GRIP2: variants seen among roughly 807,000 people sequenced by gnomAD.
GRIP2 encodes glutamate receptor-interacting protein 2.
A neutral mutation model predicts 108.3 loss-of-function variants in GRIP2; 58 were observed. That is an observed-to-expected ratio of 0.54 (90% confidence interval 0.43 to 0.67). GRIP2 has a LOEUF of 0.67. Ranked by LOEUF, GRIP2 falls within the 30% of genes least tolerant of loss-of-function variation. The pLI is 0.00. For synonymous variants in GRIP2, 586 were observed against 598.2 expected (o/e 0.98, Z 0.30); for missense variants, 1,278 against 1,430.6 (o/e 0.89, Z 1.72).
At chr3:14,520,004 T>A (rs1035949148) in intron 9 of GRIP2, 106 bp downstream of exon 9, 46 of 1,083,250 alleles carry the variant, frequency 4.2e-5, no homozygotes, top group Non-Finnish European at 5.5e-5. Context: ...TTTGTCCTAG[T>A]ACATTTTAGC....
intron 1 of GRIP2, chr3:14,531,040 C>CT (rs1290288451): frequency 1.3e-5 from 2 of 152,204 alleles, no homozygotes; most frequent in African/African-American, 4.8e-5. Context: ...CCATGCTAAT[C>CT]TTCTCTGTAT....
chr3:14,597,353 A>G, the GRIP2 span, among the ~76,000 whole-genome samples: 63 of 152,322 alleles, frequency 4.1e-4, no homozygotes, highest in Admixed American at 8.5e-4. Context: ...TTAGGATGGC[A>G]GGGAAGAGGC....
Position 14,521,827 on chromosome 3 carries a change from G to A in GRIP2, c.567-40C>T, listed in dbSNP as rs1694419080. ...CAGTCACCAGCCTGGCCCGGCAGCA[G>A]CACTGGGCACAGCCTGTCTGGGAGG... On this transcript the variant is annotated intron_variant, in intron 6 of 23. Transcript: ENST00000621039. This position sits in a 1 kb window ranked among gnomAD's most constrained non-coding sequence, Gnocchi z 5.1. 6.5e-7 allele frequency: 1 copy of A among 1,529,366 alleles called. No homozygotes were observed. The highest frequency in any genetic ancestry group is 8.8e-7 in the Non-Finnish European group (1 of 1,137,488). The allele number at this position is 1,529,366 out of a possible 1,614,324, so 94.7% of individuals were successfully genotyped here.
chr3:14,525,416 C>T lies in GRIP2; in HGVS notation c.257+21G>A, dbSNP rs377719438. ...TGCCTCTGCACCCCCCTCCTGCGGC[C>T]GTGCCAAGCCCACTTCTCACCTGGC... is the stretch of plus-strand genomic sequence containing the variant. On this transcript the variant is annotated intron_variant, in intron 3 of 23. Coordinates refer to ENST00000621039, the MANE Select transcript of GRIP2 (RefSeq NM_001080423.4). 29 of 1,609,264 alleles carry T rather than the reference C, an allele frequency of 1.8e-5. No homozygotes were observed. The African/African-American group carries it at 2.7e-4, about 15-fold the overall frequency.
intron 4 of GRIP2, 60 bp downstream of exon 4, chr3:14,524,333 G>GT: frequency 6.4e-7 from 1 of 1,553,136 alleles, no homozygotes; most frequent in South Asian, 1.2e-5. Flanking sequence ...TGGTGGGGAG[G>GT]TAGCCGTGTC....
intron 20 of GRIP2, among the ~76,000 whole-genome samples, chr3:14,504,705 G>A (rs1693869597): frequency 6.6e-6 from 1 of 152,156 alleles, no homozygotes; most frequent in African/African-American, 2.4e-5. Flanking sequence ...TGTAACAGAT[G>A]AAAAGACAGA....
At position 14,520,483 on chromosome 3, in the gene GRIP2, C is replaced by T. The variant is rs1338533927; in HGVS notation, c.767G>A (p.Gly256Glu). ...GGTGAGCGAGATCCCCAGGGCAGAC[C>T]CTGGCGTCTTGACTATTTCCACCAT... The part of the protein sequence containing the change: ...PLMVEIVKTP[G>E]SALGISLTTT... The change falls in exon 8 of 24, where the codon GGG becomes GAG. Residue 256 changes from glycine to glutamate, a missense_variant. Physicochemically the swap from Gly to Glu is moderately conservative, Grantham distance 98. Coordinates refer to ENST00000621039, the MANE Select transcript of GRIP2 (RefSeq NM_001080423.4). The T allele has an allele frequency of 1.2e-6, 2 of 1,613,836 alleles. No homozygotes were observed. The highest frequency in any genetic ancestry group is 1.7e-5 in the Admixed American group (1 of 60,008).
At chr3:14,495,059 G>T in intron 22 of GRIP2, 70 bp from the exon 23 acceptor site, 4 of 1,566,634 alleles carry the variant, frequency 2.6e-6, no homozygotes, top group Non-Finnish European at 3.5e-6. Flanking sequence ...AGTAGCCCAG[G>T]TCCTTTGGTC....
intron 1 of GRIP2, among the ~76,000 whole-genome samples, chr3:14,529,195 C>A (rs907115745): frequency 6.8e-6 from 1 of 146,258 alleles, no homozygotes; most frequent in African/African-American, 2.6e-5. Context: ...AGGTGAATGG[C>A]GTGAACCTGG....
the GRIP2 span, among the ~76,000 whole-genome samples, chr3:14,600,375 A>T: frequency 1.9e-4 from 29 of 152,324 alleles, no homozygotes; most frequent in Middle Eastern, 3.4e-3. Context: ...TGCCCCTCCA[A>T]CTTTACAGGT....
the GRIP2 span, among the ~76,000 whole-genome samples, chr3:14,564,703 A>C: frequency 6.6e-6 from 1 of 152,190 alleles, no homozygotes; most frequent in African/African-American, 2.4e-5. Flanking sequence ...AAGGGGAGAA[A>C]GATGAATCAC....
chr3:14,540,370 C>T, upstream of GRIP2: 1 of 1,610,956 alleles, frequency 6.2e-7, no homozygotes, highest in Non-Finnish European at 8.5e-7. This position sits in a 1 kb window ranked among gnomAD's most constrained non-coding sequence, Gnocchi z 4.1. Context: ...CTTGGCCCTC[C>T]CTCCCCTCCC....
intron 23 of GRIP2, 71 bp from the exon 24 acceptor site, chr3:14,493,897 T>A (rs1006068283): frequency 4.6e-6 from 7 of 1,518,374 alleles, no homozygotes; most frequent in Middle Eastern, 3.5e-4. Flanking sequence ...GCAAGAGGCA[T>A]GTGATGTCCT....
intron 1 of GRIP2, among the ~76,000 whole-genome samples, chr3:14,554,083 A>G (rs1385281604): frequency 6.6e-6 from 1 of 152,148 alleles, no homozygotes; most frequent in Non-Finnish European, 1.5e-5. Flanking sequence ...GGAAGATGGA[A>G]TTAAAAATTC....
In GRIP2 at chr3:14,524,338, C is replaced by T. The variant is rs576837342; in HGVS notation, c.403+55G>A. 2.7e-5 allele frequency: 43 copies of T among 1,565,350 alleles called. 1 individual carries two copies. The East Asian group carries it at 8.1e-4, about 29-fold the overall frequency. On this transcript the variant is annotated intron_variant, in intron 4 of 23. Coordinates refer to ENST00000621039, the MANE Select transcript of GRIP2 (RefSeq NM_001080423.4). ...ACCCAGGCCCTGGTGGGGAGGTAGC[C>T]GTGTCCACCCGCAACCGAGGCAGTG...
At chr3:14,589,535 G>A in the GRIP2 span, among the ~76,000 whole-genome samples, 1 of 152,044 alleles carries the variant, frequency 6.6e-6, no homozygotes, top group African/African-American at 2.4e-5. Flanking sequence ...ATAGACAGTT[G>A]GTTTATTCCT....
At position 14,511,821 on chromosome 3, in the gene GRIP2, G is replaced by C. The variant is rs1439660135; in HGVS notation, c.1721-342C>G. On this transcript the variant is annotated intron_variant, in intron 14 of 23. Coordinates refer to ENST00000621039, the MANE Select transcript of GRIP2 (RefSeq NM_001080423.4). This position sits in a 1 kb window ranked among gnomAD's most constrained non-coding sequence, Gnocchi z 4.1. ...TGCGAGCTCTTTGTGGAGGGGGGCTGTCTGCTTGGTGTCTGTGTCCCCAGC... is the reference window on the plus strand; with the variant it reads ...TGCGAGCTCTTTGTGGAGGGGGGCTCTCTGCTTGGTGTCTGTGTCCCCAGC... Among the ~76,000 whole-genome samples, 1 of 152,206 alleles carries C rather than the reference G, an allele frequency of 6.6e-6. No homozygotes were observed.
At chr3:14,544,269 C>G (rs1212274848), upstream of GRIP2, among the ~76,000 whole-genome samples, 1 of 152,180 alleles carries the variant, frequency 6.6e-6, no homozygotes, top group East Asian at 1.9e-4. Context: ...CTCACATTGT[C>G]TCTCAGTGGG....
At position 14,491,241 on chromosome 3, in the gene GRIP2, GGACAAA is replaced by G; in HGVS notation, c.*2418_*2423del. 6.6e-6 allele frequency: 1 copy of G among 152,258 alleles called. No individual in the cohort carries two copies. Among genetic ancestry groups the G allele is most frequent in the East Asian group, 1.9e-4 (1 of 5,176 alleles). The allele number at this position is 152,258 out of a possible 1,614,324, so 9.4% of individuals were successfully genotyped here. A position where few individuals can be genotyped will look rare whatever the true frequency, so the allele number is the denominator to read the frequency against. ...CCCCAAGCCACTGCAACCCCTGGTGGGACAAAGACTTAGACGAGGGCCCCAAACAGA... is the reference window on the plus strand; with the variant it reads ...CCCCAAGCCACTGCAACCCCTGGTGGGACTTAGACGAGGGCCCCAAACAGA... On this transcript the variant is annotated 3_prime_UTR_variant, in exon 24 of 24. Transcript: ENST00000621039.
Sources: gnomAD v4.1 joint callset for allele counts (sites outside exome capture counted in the v4.1 genomes callset) on GRCh38, gnomAD v4.1.1 for gene constraint, Gnocchi (gnomAD v3.1) non-coding constraint, MANE v1.5 for transcripts, NCBI Gene and HGNC (gene_info 2026-07-23, HGNC 2026-07-21) for gene names.